CUEDC1: variants seen among roughly 807,000 people sequenced by gnomAD.
CUEDC1 encodes CUE domain containing 1.
Under a neutral mutation model 43.7 loss-of-function variants are expected in CUEDC1, and 30 were observed. That is an observed-to-expected ratio of 0.69 (90% CI 0.51 to 0.93). CUEDC1 has a LOEUF of 0.93. Ranked by LOEUF, CUEDC1 falls within the 40% of genes least tolerant of loss-of-function variation. The pLI is 0.00. For missense variants in CUEDC1, 486 were observed against 549.0 expected, an observed-to-expected ratio of 0.89 and a Z score of 1.15; for synonymous variants, 223 against 223.6, an observed-to-expected ratio of 1.00 and a Z score of 0.02.
intron 1 of CUEDC1, among the ~76,000 whole-genome samples, chr17:57,900,906 G>A (rs1038018013): frequency 1.3e-5 from 2 of 152,186 alleles, no homozygotes; most frequent in Non-Finnish European, 2.9e-5. Context: ...AATGTTCTTT[G>A]CACTATAGCA....
chr17:57,950,497 G>A (rs1338540639), intron 1 of CUEDC1, among the ~76,000 whole-genome samples: 1 of 148,020 alleles, frequency 6.8e-6, no homozygotes, highest in South Asian at 2.1e-4. Flanking sequence ...TTTTGAGACA[G>A]AGTCTCGCTC....
At chr17:57,878,647 A>ATTGATTAT (rs373396246) in intron 3 of CUEDC1, among the ~76,000 whole-genome samples, 1 of 147,300 alleles carries the variant, frequency 6.8e-6, no homozygotes. Flanking sequence ...AACTACCTTG[A>ATTGATTAT]TTATTTATTT....
At chr17:57,915,424 C>T (rs1247506257) in intron 1 of CUEDC1, among the ~76,000 whole-genome samples, 1 of 151,904 alleles carries the variant, frequency 6.6e-6, no homozygotes, top group East Asian at 1.9e-4. Context: ...CAAACACATC[C>T]TTTGCTAAAT....
At chr17:57,916,168 C>T (rs1434809706) in intron 1 of CUEDC1, among the ~76,000 whole-genome samples, 1 of 152,248 alleles carries the variant, frequency 6.6e-6, no homozygotes, top group Non-Finnish European at 1.5e-5. Context: ...CGACTCCTAC[C>T]CAGCAACCCG....
chr17:57,900,303 G>A (rs2074457996), intron 1 of CUEDC1, among the ~76,000 whole-genome samples: 1 of 152,194 alleles, frequency 6.6e-6, no homozygotes, highest in East Asian at 1.9e-4. Flanking sequence ...GTGGGGGCTG[G>A]GGGAGCCGGT....
At chr17:57,927,647 G>C (rs1199631090) in intron 1 of CUEDC1, among the ~76,000 whole-genome samples, 1 of 152,174 alleles carries the variant, frequency 6.6e-6, no homozygotes, top group Non-Finnish European at 1.5e-5. Context: ...ATTTCCAAGA[G>C]GTATGTCAGG....
intron 1 of CUEDC1, among the ~76,000 whole-genome samples, chr17:57,923,848 C>T (rs1336153043): frequency 1.1e-4 from 16 of 152,210 alleles, no homozygotes; most frequent in Admixed American, 1.0e-3. Flanking sequence ...AACATCACAT[C>T]AACTTTGCAA....
chr17:57,897,643 C>T (rs1307400272), intron 1 of CUEDC1, among the ~76,000 whole-genome samples: 1 of 141,350 alleles, frequency 7.1e-6, no homozygotes, highest in Non-Finnish European at 1.5e-5. Context: ...GCACTCCAGC[C>T]TGGTCTCAAT....
In CUEDC1 at chr17:57,945,897, C is replaced by T. The variant is rs115434307; in HGVS notation, c.-316+9328G>A. The stretch of plus-strand genomic sequence containing the variant: ...TAGCTGGGCATGGGGTAATGGAGGG[C>T]GCCTGTAATCCCAGCTACTCAGGAG... On this transcript the variant is annotated intron_variant, in intron 1 of 10. Transcript: ENST00000577830. 6.9e-3 allele frequency among the ~76,000 whole-genome samples: 1,053 copies of T among 151,886 alleles called. 10 individuals carry two copies. Among genetic ancestry groups the T allele is most frequent in the African/African-American group, 0.025 (1,021 of 41,390 alleles).
chr17:57,938,960 CTTTTTTTTTTTTT>C (rs55687937), intron 1 of CUEDC1, among the ~76,000 whole-genome samples: 25 of 82,696 alleles, frequency 3.0e-4, no homozygotes, highest in South Asian at 4.3e-4. Flanking sequence ...CGTGCCCAGC[CTTTTTTTTTTTTT>C]TTTTTTTTTT....
Position 57,872,804 on chromosome 17 carries a change from T to C in CUEDC1, c.643A>G (p.Met215Val). 1 of 1,614,180 alleles carries C rather than the reference T, an allele frequency of 6.2e-7. No individual in the cohort carries two copies. The highest frequency in any genetic ancestry group is 8.5e-7 in the Non-Finnish European group (1 of 1,180,014). The stretch of plus-strand genomic sequence containing the variant: ...TGGTCTCCGGGCCCTGGCCCAGCCA[T>C]GGCAGGTGGACATCCCTCTCCACTC... ...PGSGEGCPPA[M>V]AGPGPGDQES... The change falls in exon 5 of 11, where the codon ATG becomes GTG. Residue 215 changes from methionine (M) to valine (V), a missense_variant. Coordinates refer to ENST00000577830, the MANE Select transcript of CUEDC1 (RefSeq NM_001271875.2).
At chr17:57,890,088 A>G (rs2074339165) in intron 1 of CUEDC1, among the ~76,000 whole-genome samples, 1 of 152,208 alleles carries the variant, frequency 6.6e-6, no homozygotes, top group South Asian at 2.1e-4. Flanking sequence ...TGCTGTCTCC[A>G]TTTCATAGCT....
intron 1 of CUEDC1, among the ~76,000 whole-genome samples, chr17:57,886,152 A>C (rs1255530254): frequency 6.6e-6 from 1 of 152,182 alleles, no homozygotes; most frequent in East Asian, 1.9e-4. Context: ...CAATACTGTA[A>C]GGTATGTGCT....
At position 57,954,703 on chromosome 17, in the gene CUEDC1, G is replaced by A. The variant is rs2075039407; in HGVS notation, c.-316+522C>T. ...GAGCCGACCTGTGACATCGGCGGGG[G>A]GCAGGAAGCGAAGCTCCCCTCCCCC... On this transcript the variant is annotated intron_variant, in intron 1 of 10. Transcript: ENST00000577830. The surrounding 1 kb of genome is among the most constrained non-coding windows in gnomAD (Gnocchi z 4.3). 6.6e-6 allele frequency among the ~76,000 whole-genome samples: 1 copy of A among 152,116 alleles called. No individual in the cohort carries two copies. Among genetic ancestry groups the A allele is most frequent in the African/African-American group, 2.4e-5 (1 of 41,428 alleles).
chr17:57,912,693 C>T (rs943326876), intron 1 of CUEDC1, among the ~76,000 whole-genome samples: 4 of 152,122 alleles, frequency 2.6e-5, no homozygotes, highest in South Asian at 2.1e-4. Context: ...ACAATAATAA[C>T]GCCACTGTGT....
intron 10 of CUEDC1, among the ~76,000 whole-genome samples, chr17:57,865,862 G>T (rs1332421754): frequency 7.0e-6 from 1 of 143,826 alleles, no homozygotes; most frequent in Non-Finnish European, 1.5e-5. Context: ...CACTCTTGTC[G>T]CCCAGGCTGG....
intron 1 of CUEDC1, among the ~76,000 whole-genome samples, chr17:57,906,449 C>A (rs1292113089): frequency 6.6e-6 from 1 of 152,116 alleles, no homozygotes; most frequent in Non-Finnish European, 1.5e-5. Flanking sequence ...TTTCCAAGGA[C>A]TCAGGGAAGA....
At chr17:57,891,659 C>G (rs574975483) in intron 1 of CUEDC1, among the ~76,000 whole-genome samples, 119 of 152,342 alleles carry the variant, frequency 7.8e-4, no homozygotes, top group African/African-American at 2.7e-3. Context: ...CTGTGGCCAC[C>G]TGGATCCTTG....
chr17:57,868,785 G>A (rs959757246), intron 7 of CUEDC1, among the ~76,000 whole-genome samples: 1 of 152,162 alleles, frequency 6.6e-6, no homozygotes, highest in Non-Finnish European at 1.5e-5. Context: ...CACCCCCACA[G>A]AGGCTTAGCA....
Sources: allele counts gnomAD v4.1 joint callset (sites outside exome capture counted in the v4.1 genomes callset), GRCh38; gene constraint gnomAD v4.1.1; non-coding constraint Gnocchi (gnomAD v3.1); transcripts MANE v1.5; gene names NCBI Gene and HGNC (gene_info 2026-07-23, HGNC 2026-07-21).